The following FER variants were observed in gnomAD, a reference collection of about 807,000 sequenced individuals.
FER encodes the protein FER tyrosine kinase.
FER carries 63 observed loss-of-function variants against 111.0 expected under a neutral mutation model. That is an observed-to-expected ratio of 0.57 (90% CI 0.46 to 0.70). The LOEUF (loss-of-function observed/expected upper bound fraction) is 0.70. Among genes scored for constraint, FER ranks in the 30% least tolerant of loss-of-function variants. The probability of loss-of-function intolerance (pLI) is 0.00; values close to 1 mark genes in which losing one functional copy is unlikely to be tolerated. For synonymous variants in FER, 327 were observed against 313.9 expected (o/e 1.04, Z -0.44); for missense variants, 914 against 954.0 (o/e 0.96, Z 0.55).
intron 13 of FER, among the ~76,000 whole-genome samples, chr5:108,996,933 T>C (rs563337066): frequency 6.6e-6 from 1 of 152,310 alleles, no homozygotes; most frequent in South Asian, 2.1e-4. Context: ...CCTCTTTTAC[T>C]TCCTTGTACA....
rs539318035 is a variant in FER at position 109,192,791 on chromosome 5, G to A, written c.*5216G>A. The A allele has an allele frequency of 9.9e-4, 151 of 152,254 alleles. No homozygotes were observed. The highest frequency in any genetic ancestry group is 3.5e-3 in the African/African-American group (146 of 41,548). The allele number at this position is 152,254 out of a possible 1,614,324, so 9.4% of individuals were successfully genotyped here. Reference sequence around the variant, plus strand: ...ACCCACAGAGGGAGCTTACTATGATGAGAGCTACTGTGGGGAAACATAGTA... The same window carrying A: ...ACCCACAGAGGGAGCTTACTATGATAAGAGCTACTGTGGGGAAACATAGTA... On this transcript the variant is annotated 3_prime_UTR_variant, in exon 20 of 20. Coordinates refer to ENST00000281092, the MANE Select transcript of FER (RefSeq NM_005246.4).
intron 17 of FER, among the ~76,000 whole-genome samples, chr5:109,136,409 A>T (rs1752900561): frequency 1.3e-5 from 2 of 152,242 alleles, no homozygotes; most frequent in African/African-American, 2.4e-5. Context: ...TCGTGTTTTA[A>T]TTGAGTCCTT....
chr5:108,996,379 G>T (rs112184512), intron 13 of FER, among the ~76,000 whole-genome samples: 17,246 of 152,114 alleles, frequency 0.11, 1,090 homozygotes, highest in Middle Eastern at 0.16. Flanking sequence ...TTCTTCTAGG[G>T]TTTTTATTGT....
At chr5:108,800,592 A>G (rs570204725) in intron 3 of FER, among the ~76,000 whole-genome samples, 6 of 152,262 alleles carry the variant, frequency 3.9e-5, no homozygotes, top group Non-Finnish European at 5.9e-5. Context: ...GGCTCAAGCA[A>G]TCCTCCCACC....
At chr5:108,765,407 T>A (rs1178020777) in intron 1 of FER, among the ~76,000 whole-genome samples, 2 of 152,200 alleles carry the variant, frequency 1.3e-5, no homozygotes, top group African/African-American at 4.8e-5. Context: ...GTCCTGTGAC[T>A]AGCTTACTTT....
chr5:108,876,258 G>A (rs1765077991), intron 8 of FER, among the ~76,000 whole-genome samples: 1 of 152,192 alleles, frequency 6.6e-6, no homozygotes, highest in Admixed American at 6.5e-5. Context: ...CAAAAATTAT[G>A]TGATGTTTAA....
intron 1 of FER, among the ~76,000 whole-genome samples, chr5:108,756,714 T>C (rs913672880): frequency 2.0e-5 from 3 of 152,202 alleles, no homozygotes; most frequent in African/African-American, 7.2e-5. Context: ...TGAGAATCTT[T>C]ATGTAGATTT....
chr5:109,089,291 G>A (rs1220544035), intron 16 of FER, among the ~76,000 whole-genome samples: 2 of 152,278 alleles, frequency 1.3e-5, no homozygotes, highest in East Asian at 3.9e-4. Context: ...AAAACACATA[G>A]TGAAAAGTGA....
chr5:108,917,409 A>T (rs909928459), intron 10 of FER, among the ~76,000 whole-genome samples: 1 of 152,230 alleles, frequency 6.6e-6, no homozygotes, highest in Admixed American at 6.5e-5. Context: ...CACTAGACCA[A>T]TGAAACACTG....
chr5:109,154,352 T>C (rs1327476944), intron 17 of FER, among the ~76,000 whole-genome samples: 1 of 151,974 alleles, frequency 6.6e-6, no homozygotes, highest in Admixed American at 6.6e-5. Context: ...TGGAAGCTGA[T>C]TTTTACCACG....
chr5:109,177,125 C>T (rs902412784), intron 17 of FER, among the ~76,000 whole-genome samples: 6 of 152,168 alleles, frequency 3.9e-5, no homozygotes, highest in South Asian at 4.1e-4. Flanking sequence ...TAGAAAATAA[C>T]GTAATTCATG....
At chr5:109,073,853 C>A (rs1430949824) in intron 16 of FER, among the ~76,000 whole-genome samples, 4 of 152,058 alleles carry the variant, frequency 2.6e-5, no homozygotes, top group African/African-American at 4.8e-5. Flanking sequence ...TATTACACTA[C>A]ATTTAGGAAG....
chr5:109,004,833 T>G (rs1439056942), intron 13 of FER, among the ~76,000 whole-genome samples: 3 of 152,182 alleles, frequency 2.0e-5, no homozygotes, highest in Non-Finnish European at 2.9e-5. Context: ...TTTGTTTCAT[T>G]TGAAATTTTG....
chr5:108,765,773 A>G (rs1029017993), intron 1 of FER, among the ~76,000 whole-genome samples: 1 of 152,130 alleles, frequency 6.6e-6, no homozygotes, highest in African/African-American at 2.4e-5. Flanking sequence ...TGGATGATCT[A>G]GTAATTTTTG....
At chr5:108,954,954 T>C in intron 12 of FER, 22 bp downstream of exon 12, 1 of 1,582,790 alleles carries the variant, frequency 6.3e-7, no homozygotes, top group Non-Finnish European at 8.6e-7. Flanking sequence ...GTTTAGTTCA[T>C]ATGTATATTT....
intron 13 of FER, among the ~76,000 whole-genome samples, chr5:109,007,837 T>C (rs1358183889): frequency 6.6e-6 from 1 of 152,220 alleles, no homozygotes; most frequent in Non-Finnish European, 1.5e-5. Flanking sequence ...ACTGCCAAAT[T>C]ATTTTCTAAA....
chr5:108,977,433 CA>C (rs1761505397), intron 13 of FER, among the ~76,000 whole-genome samples: 1 of 152,100 alleles, frequency 6.6e-6, no homozygotes, highest in Non-Finnish European at 1.5e-5. Context: ...CAAGTTGTCT[CA>C]AATTTCCAAA....
Position 108,832,806 on chromosome 5 carries a change from A to G in FER, c.244A>G (p.Ser82Gly). The G allele has an allele frequency of 6.3e-7, 1 of 1,576,730 alleles. No individual in the cohort carries two copies. The highest frequency in any genetic ancestry group is 8.6e-7 in the Non-Finnish European group (1 of 1,162,438). Reference protein sequence around the residue: ...LLMIQQTEQLSRIMKTHAEDL... With the variant: ...LLMIQQTEQLGRIMKTHAEDL... The stretch of plus-strand genomic sequence containing the variant: ...TATGATTCAGCAGACAGAACAACTT[A>G]GTAGGATAATGAAGACACATGCAGA... Residue 82 changes from serine (S) to glycine (G), a missense_variant, in exon 4 of 20, where the codon AGT becomes GGT. Physicochemically the swap from Ser to Gly is moderately conservative, Grantham distance 56. Coordinates refer to ENST00000281092, the MANE Select transcript of FER (RefSeq NM_005246.4).
At chr5:108,765,202 G>T (rs891815694) in intron 1 of FER, among the ~76,000 whole-genome samples, 3 of 152,058 alleles carry the variant, frequency 2.0e-5, no homozygotes, top group Non-Finnish European at 4.4e-5. Flanking sequence ...TTGAAGTAAC[G>T]CAAGGAATAT....
Sources: allele counts gnomAD v4.1 joint callset (sites outside exome capture counted in the v4.1 genomes callset), GRCh38; gene constraint gnomAD v4.1.1; transcripts MANE v1.5; gene names NCBI Gene and HGNC (gene_info 2026-07-23, HGNC 2026-07-21).